CFAP99: variants seen among roughly 807,000 people sequenced by gnomAD.
CFAP99 encodes the protein cilia and flagella associated protein 99, also known as cilia- and flagella-associated protein 99.
Under a neutral mutation model 82.7 loss-of-function variants are expected in CFAP99, and 84 were observed. That is an observed-to-expected ratio of 1.02 (90% CI 0.85 to 1.22). The LOEUF (loss-of-function observed/expected upper bound fraction) is 1.22. Ranked by LOEUF, CFAP99 falls within the 50% of genes most tolerant of loss-of-function variation. The probability of loss-of-function intolerance (pLI) is 0.00; values close to 1 mark genes in which losing one functional copy is unlikely to be tolerated. For synonymous variants in CFAP99, 456 were observed against 429.5 expected (o/e 1.06, Z -0.76); for missense variants, 1,059 against 983.5 (o/e 1.08, Z -1.03).
At chr4:2,428,700 A>T (rs1733737528) in intron 2 of CFAP99, 1 of 151,748 alleles carries the variant, frequency 6.6e-6, no homozygotes, top group African/African-American at 2.4e-5. Context: ...CCTGGCAGCC[A>T]CTCCTTCTCA....
At chr4:2,436,832 C>A (rs1733923126) in intron 2 of CFAP99, 42 bp from the exon 3 acceptor site, 6 of 1,523,326 alleles carry the variant, frequency 3.9e-6, no homozygotes, top group Non-Finnish European at 4.4e-6. Context: ...GCCCTTTCCT[C>A]CCGGCCCAGC....
intron 1 of CFAP99, among the ~76,000 whole-genome samples, chr4:2,421,597 C>T (rs1322869866): frequency 6.6e-6 from 1 of 152,138 alleles, no homozygotes; most frequent in Non-Finnish European, 1.5e-5. Context: ...GATCTGCCCG[C>T]CTTGGCTTCC....
chr4:2,441,661 G>C (rs974585825), intron 4 of CFAP99, among the ~76,000 whole-genome samples: 67 of 152,326 alleles, frequency 4.4e-4, no homozygotes, highest in Admixed American at 1.1e-3. Context: ...AAATCCCCAA[G>C]GGAACTGCCC....
chr4:2,435,565 A>G (rs964712450), intron 2 of CFAP99, among the ~76,000 whole-genome samples: 8 of 152,206 alleles, frequency 5.3e-5, no homozygotes, highest in African/African-American at 1.7e-4. Flanking sequence ...ACAGTATCGT[A>G]GAACACATTG....
chr4:2,447,611 AGAT>A (rs1211039126), intron 6 of CFAP99, among the ~76,000 whole-genome samples: 2 of 148,382 alleles, frequency 1.3e-5, no homozygotes, highest in African/African-American at 5.0e-5. Flanking sequence ...ATGGGTGAGT[AGAT>A]GAATGAGTGG....
At chr4:2,443,145 T>C in exon 5 of CFAP99, 1 of 1,532,690 alleles carries the variant, frequency 6.5e-7, no homozygotes. Flanking sequence ...CAGGTTCTTC[T>C]TCAACCCCCT....
intron 1 of CFAP99, among the ~76,000 whole-genome samples, chr4:2,421,821 C>T (rs141633275): frequency 1.2e-4 from 18 of 151,448 alleles, no homozygotes; most frequent in South Asian, 2.1e-4. Context: ...GTGGGAGGAT[C>T]GCTTCAGGCC....
intron 11 of CFAP99, among the ~76,000 whole-genome samples, chr4:2,455,675 T>A (rs531932882): frequency 2.0e-5 from 3 of 152,154 alleles, no homozygotes; most frequent in African/African-American, 7.2e-5. Context: ...GGTGACAGAG[T>A]GAGACCGTCT....
chr4:2,420,725 G>A (rs1733567023), intron 1 of CFAP99, among the ~76,000 whole-genome samples: 1 of 152,168 alleles, frequency 6.6e-6, no homozygotes, highest in Non-Finnish European at 1.5e-5. Flanking sequence ...AGAGGTCCAT[G>A]GAGAGGCAAT....
intron 2 of CFAP99, among the ~76,000 whole-genome samples, chr4:2,429,471 G>A (rs1381302318): frequency 6.6e-6 from 1 of 152,338 alleles, no homozygotes; most frequent in South Asian, 2.1e-4. Context: ...CGGCAAACTG[G>A]CAGCGGCAGA....
intron 11 of CFAP99, among the ~76,000 whole-genome samples, chr4:2,454,457 C>G (rs1238743461): frequency 6.6e-6 from 1 of 151,866 alleles, no homozygotes; most frequent in African/African-American, 2.4e-5. Context: ...TTTTGGAATA[C>G]AAATACATTG....
chr4:2,449,703 C>G, exon 7 of CFAP99: 1 of 1,536,164 alleles, frequency 6.5e-7, no homozygotes, highest in South Asian at 1.2e-5. Context: ...ACCCAAGGAG[C>G]AGCAGCAGCT....
chr4:2,462,595 C>A lies in CFAP99; in HGVS notation c.1814C>A (p.Pro605His). Residue 605 changes from proline to histidine, a missense_variant, in exon 15 of 15, where the codon CCC becomes CAC. Coordinates refer to ENST00000635017, the Ensembl canonical transcript of CFAP99. This position sits in a 1 kb window ranked among gnomAD's most constrained non-coding sequence, Gnocchi z 4.1. Reference sequence around the variant, plus strand: ...GTGTCGGCGCCGCGGACCGCGCGCCCCAAGCCCCGGGTGAGTCCGGATTGG... The same window carrying A: ...GTGTCGGCGCCGCGGACCGCGCGCCACAAGCCCCGGGTGAGTCCGGATTGG... 1 of 1,421,758 alleles carries A rather than the reference C, an allele frequency of 7.0e-7. No individual in the cohort carries two copies. The highest frequency in any genetic ancestry group is 1.4e-5 in the South Asian group (1 of 69,706). The allele number at this position is 1,421,758 out of a possible 1,614,324, so 88.1% of individuals were successfully genotyped here.
chr4:2,445,308 C>T (rs530639182), exon 6 of CFAP99: 3 of 1,338,658 alleles, frequency 2.2e-6, no homozygotes, highest in Non-Finnish European at 2.9e-6. Context: ...AGCCGAGACC[C>T]GTGAGTGTGG....
At chr4:2,443,579 T>A (rs1334067447) in intron 5 of CFAP99, among the ~76,000 whole-genome samples, 1 of 152,164 alleles carries the variant, frequency 6.6e-6, no homozygotes, top group Non-Finnish European at 1.5e-5. Flanking sequence ...GGAGCCTACA[T>A]GCTGGCTGGG....
chr4:2,428,212 C>G (rs1372153687), intron 2 of CFAP99: 1 of 152,438 alleles, frequency 6.6e-6, no homozygotes, highest in Non-Finnish European at 1.5e-5. Flanking sequence ...CCCAGGTCCC[C>G]TTGGCCAGAA....
rs1323699163 is a variant in CFAP99, at chr4:2,446,437, G to A, written c.642+1129G>A. ...AGACAGAGTCTCGCTCTGTCACCCA[G>A]GCTGGAGTGCAGTGGCACGATCTTG... On this transcript the variant is annotated intron_variant, in intron 6 of 14. Coordinates refer to ENST00000635017, the Ensembl canonical transcript of CFAP99. The surrounding 1 kb of genome is among the most constrained non-coding windows in gnomAD (Gnocchi z 5.0). Among the ~76,000 whole-genome samples, 1 of 151,746 alleles carries A rather than the reference G, an allele frequency of 6.6e-6. No individual in the cohort carries two copies. The highest frequency in any genetic ancestry group is 1.5e-5 in the Non-Finnish European group (1 of 67,974).
At chr4:2,450,850 C>G in intron 8 of CFAP99, 97 bp from the exon 9 acceptor site, 2 of 1,038,562 alleles carry the variant, frequency 1.9e-6, no homozygotes, top group South Asian at 1.4e-5. Context: ...TGAGCCAGGC[C>G]TCCCCAGGGT....
intron 2 of CFAP99, among the ~76,000 whole-genome samples, chr4:2,434,743 C>T (rs999191288): frequency 6.6e-6 from 1 of 152,240 alleles, no homozygotes; most frequent in South Asian, 2.1e-4. Flanking sequence ...CCTACCAGTT[C>T]TCCCATAAGT....
Sources: gnomAD v4.1 joint callset for allele counts (sites outside exome capture counted in the v4.1 genomes callset) on GRCh38, gnomAD v4.1.1 for gene constraint, Gnocchi (gnomAD v3.1) non-coding constraint, MANE v1.5 for transcripts, NCBI Gene and HGNC (gene_info 2026-07-23, HGNC 2026-07-21) for gene names.